STPG2: variants seen among roughly 807,000 people sequenced by gnomAD.
The protein encoded by STPG2 is sperm tail PG-rich repeat containing 2.
A neutral mutation model predicts 54.2 loss-of-function variants in STPG2; 56 were observed. The observed-to-expected ratio is 1.03, with a 90% CI of 0.83 to 1.29. The LOEUF is 1.29. STPG2 is among the 50% of genes most tolerant of loss of function. The pLI, the probability that STPG2 is intolerant of heterozygous loss-of-function variation, is 0.00. For missense variants in STPG2, 596 were observed against 544.9 expected (o/e 1.09, Z -0.93); for synonymous variants, 200 against 181.8 (o/e 1.10, Z -0.81).
Position 97,490,427 on chromosome 4 carries a change from C to A in STPG2, c.462+222272G>T, listed in dbSNP as rs542402524. Among the ~76,000 whole-genome samples the A allele has an allele frequency of 2.0e-5, 3 of 151,658 alleles. No individual in the cohort carries two copies. The East Asian group carries it at 5.8e-4, about 30-fold the overall frequency. On this transcript the variant is annotated intron_variant, in intron 4 of 4. Transcript: ENST00000522676. Reference sequence around the variant, plus strand: ...TAATTTCCATGCCATTACTTATATTCTACTACTCTGTTTGCCACTTTATTA... The same window carrying A: ...TAATTTCCATGCCATTACTTATATTATACTACTCTGTTTGCCACTTTATTA...
chr4:97,780,925 T>C (rs1726581688), intron 9 of STPG2, among the ~76,000 whole-genome samples: 1 of 151,808 alleles, frequency 6.6e-6, no homozygotes, highest in Non-Finnish European at 1.5e-5. Context: ...GGGACACATT[T>C]AAAGCAGTGG....
intron 1 of STPG2, among the ~76,000 whole-genome samples, chr4:98,139,043 A>G (rs1454733628): frequency 6.6e-6 from 1 of 152,162 alleles, no homozygotes; most frequent in Non-Finnish European, 1.5e-5. Flanking sequence ...TACTTTAATA[A>G]GAGATGTTTG....
At chr4:97,814,399 G>A (rs947822784) in intron 9 of STPG2, among the ~76,000 whole-genome samples, 3 of 152,072 alleles carry the variant, frequency 2.0e-5, no homozygotes, top group African/African-American at 7.2e-5. Flanking sequence ...TGCAATCTCG[G>A]CTCACTACAA....
At position 97,876,276 on chromosome 4, in the gene STPG2, T is replaced by C. The variant is rs189360029; in HGVS notation, c.1045-35344A>G. Among the ~76,000 whole-genome samples the C allele has an allele frequency of 1.1e-4, 17 of 152,124 alleles. No homozygotes were observed. The East Asian group carries it at 2.7e-3, about 24-fold the overall frequency. ...TGTATTTACAATGCACATTAGAAAATTGTTGGCAAATGTTTAATATACGAT... is the reference window on the plus strand; with the variant it reads ...TGTATTTACAATGCACATTAGAAAACTGTTGGCAAATGTTTAATATACGAT... On this transcript the variant is annotated intron_variant, in intron 8 of 10. Transcript: ENST00000295268.
intron 8 of STPG2, among the ~76,000 whole-genome samples, chr4:97,926,448 T>A (rs964623540): frequency 2.0e-5 from 3 of 152,232 alleles, no homozygotes; most frequent in Middle Eastern, 3.4e-3. Context: ...CCTATTCTCT[T>A]TCTCATAGAA....
chr4:97,813,504 TGTTA>T, intron 9 of STPG2, among the ~76,000 whole-genome samples: 1 of 151,608 alleles, frequency 6.6e-6, no homozygotes, highest in Non-Finnish European at 1.5e-5. Context: ...GTCATATAGA[TGTTA>T]ATTAGCTTGA....
intron 8 of STPG2, among the ~76,000 whole-genome samples, chr4:97,906,010 T>C (rs1731400161): frequency 6.6e-6 from 1 of 151,830 alleles, no homozygotes; most frequent in Non-Finnish European, 1.5e-5. Context: ...AAGAAATAAC[T>C]AAGATCAGAG....
chr4:97,879,708 A>C (rs923666283), intron 8 of STPG2, among the ~76,000 whole-genome samples: 7 of 152,172 alleles, frequency 4.6e-5, no homozygotes, highest in Non-Finnish European at 8.8e-5. Context: ...ATACATATAA[A>C]CATTCTCAAC....
chr4:97,863,987 T>C (rs919520007), intron 8 of STPG2, among the ~76,000 whole-genome samples: 2 of 152,144 alleles, frequency 1.3e-5, no homozygotes, highest in African/African-American at 4.8e-5. Flanking sequence ...CCACAGCCCA[T>C]ATTATACTCC....
intron 5 of STPG2, among the ~76,000 whole-genome samples, chr4:98,022,708 T>C (rs965624928): frequency 3.3e-5 from 5 of 152,236 alleles, no homozygotes; most frequent in African/African-American, 1.2e-4. Context: ...TTGGAGACTT[T>C]GTCCGTTTCT....
intron 9 of STPG2, among the ~76,000 whole-genome samples, chr4:97,762,543 C>T (rs1725919951): frequency 6.6e-6 from 1 of 152,166 alleles, no homozygotes; most frequent in African/African-American, 2.4e-5. Context: ...AATATGCACA[C>T]TTACTTCAAT....
chr4:97,799,251 G>A (rs1295289005), intron 9 of STPG2, among the ~76,000 whole-genome samples: 6 of 152,078 alleles, frequency 3.9e-5, no homozygotes, highest in South Asian at 2.1e-4. Flanking sequence ...TATTTTGCTC[G>A]TTATTGATGC....
intron 8 of STPG2, among the ~76,000 whole-genome samples, chr4:97,903,483 G>A (rs1323117881): frequency 1.3e-5 from 2 of 150,554 alleles, no homozygotes; most frequent in Non-Finnish European, 3.0e-5. Context: ...AGTAAATAAA[G>A]GAGAAAAATA....
chr4:98,029,069 TTAAA>T (rs1372211199), intron 5 of STPG2, among the ~76,000 whole-genome samples: 4 of 152,130 alleles, frequency 2.6e-5, no homozygotes, highest in African/African-American at 4.8e-5. Flanking sequence ...TTTCAATACT[TTAAA>T]TATATTAAAA....
chr4:98,127,652 T>G (rs1739866988), intron 3 of STPG2, among the ~76,000 whole-genome samples: 1 of 152,212 alleles, frequency 6.6e-6, no homozygotes, highest in Non-Finnish European at 1.5e-5. Context: ...TATTTCTGTC[T>G]TATAATTGAG....
intron 9 of STPG2, among the ~76,000 whole-genome samples, chr4:97,769,650 T>TTA (rs766101492): frequency 2.9e-3 from 440 of 151,378 alleles, no homozygotes; most frequent in South Asian, 4.2e-3. Context: ...TTCAATTATT[T>TTA]TATATATATA....
In STPG2 at chr4:98,024,010, G is replaced by A. The variant is rs537324395; in HGVS notation, c.613-42692C>T. Among the ~76,000 whole-genome samples the A allele has an allele frequency of 7.2e-4, 109 of 152,056 alleles. 1 individual carries two copies. Among genetic ancestry groups the A allele is most frequent in the South Asian group, 5.6e-3 (27 of 4,812 alleles). Reference sequence around the variant, plus strand: ...GTGAGGCAATGCCTCACCCTGCTTCGGCCTGCGCACAGTTCGCTGCACCCA... The same window carrying A: ...GTGAGGCAATGCCTCACCCTGCTTCAGCCTGCGCACAGTTCGCTGCACCCA... On this transcript the variant is annotated intron_variant, in intron 5 of 10. Transcript: ENST00000295268.
chr4:97,800,033 C>G (rs1037878207), intron 9 of STPG2, among the ~76,000 whole-genome samples: 1 of 152,212 alleles, frequency 6.6e-6, no homozygotes, highest in African/African-American at 2.4e-5. Flanking sequence ...TCAGTTCCAT[C>G]AGGTCATTTA....
chr4:97,860,571 C>T (rs1729491563), intron 8 of STPG2, among the ~76,000 whole-genome samples: 1 of 150,224 alleles, frequency 6.7e-6, no homozygotes, highest in South Asian at 2.1e-4. Flanking sequence ...TGATTTGCTT[C>T]TCAGCTTGGT....
Sources: allele counts gnomAD v4.1 joint callset (sites outside exome capture counted in the v4.1 genomes callset), GRCh38; gene constraint gnomAD v4.1.1; transcripts MANE v1.5; gene names NCBI Gene and HGNC (gene_info 2026-07-23, HGNC 2026-07-21).